Variants in TOMM7 observed in about 807,000 individuals in gnomAD.
TOMM7 encodes the protein mitochondrial import receptor subunit TOM7 homolog.
In TOMM7, 8 loss-of-function variants were observed where a neutral mutation model predicts 9.5. The observed-to-expected ratio is 0.84, with a 90% CI of 0.49 to 1.51. TOMM7 has a LOEUF of 1.51. TOMM7 is among the 40% of genes most tolerant of loss of function. The probability of loss-of-function intolerance (pLI) is 0.00; values close to 1 mark genes in which losing one functional copy is unlikely to be tolerated. For synonymous variants in TOMM7, 27 were observed against 21.4 expected (o/e 1.26, Z -0.72); for missense variants, 74 against 63.7 (o/e 1.16, Z -0.55).
At chr7:22,813,986 G>A (rs1281997445) in intron 2 of TOMM7, among the ~76,000 whole-genome samples, 1 of 149,398 alleles carries the variant, frequency 6.7e-6, no homozygotes, top group Non-Finnish European at 1.5e-5. Flanking sequence ...ATTTTCAAAT[G>A]TGTATTAAAA....
chr7:22,817,787 G>T, intron 2 of TOMM7: 1 of 478,722 alleles, frequency 2.1e-6, no homozygotes, highest in Non-Finnish European at 3.8e-6. Flanking sequence ...TTCTTTTTCT[G>T]TTAAAATATG....
At chr7:22,820,992 T>C (rs1451875373) in intron 1 of TOMM7, among the ~76,000 whole-genome samples, 5 of 152,206 alleles carry the variant, frequency 3.3e-5, no homozygotes, top group African/African-American at 9.6e-5. Flanking sequence ...GTTAAAACCA[T>C]AGCATTTTAA....
intron 1 of TOMM7, among the ~76,000 whole-genome samples, chr7:22,821,899 CTG>C (rs1328888188): frequency 6.6e-6 from 1 of 152,128 alleles, no homozygotes; most frequent in Non-Finnish European, 1.5e-5. Context: ...ACTTGGGAGA[CTG>C]AGGTGGAAGG....
intron 2 of TOMM7, among the ~76,000 whole-genome samples, chr7:22,813,694 A>G (rs1052946993): frequency 1.3e-5 from 2 of 151,408 alleles, no homozygotes; most frequent in African/African-American, 4.9e-5. Flanking sequence ...GTGCCCTTAC[A>G]ACCATTAAGT....
At chr7:22,814,615 C>T (rs1348887901) in intron 2 of TOMM7, among the ~76,000 whole-genome samples, 3 of 152,166 alleles carry the variant, frequency 2.0e-5, no homozygotes, top group Non-Finnish European at 4.4e-5. Flanking sequence ...AAATGATTCT[C>T]TTAACCTTGA....
chr7:22,821,126 A>C (rs1225392743), intron 1 of TOMM7, among the ~76,000 whole-genome samples: 1 of 152,090 alleles, frequency 6.6e-6, no homozygotes, highest in Non-Finnish European at 1.5e-5. Flanking sequence ...AAAAGAAAAA[A>C]CTTGGCCAGG....
At chr7:22,819,145 C>T (rs1457893815) in intron 1 of TOMM7, among the ~76,000 whole-genome samples, 2 of 151,948 alleles carry the variant, frequency 1.3e-5, no homozygotes, top group Non-Finnish European at 2.9e-5. Flanking sequence ...ATAAATTAAC[C>T]TGATGACATA....
At chr7:22,814,307 AC>A (rs1360452650) in intron 2 of TOMM7, among the ~76,000 whole-genome samples, 3 of 147,932 alleles carry the variant, frequency 2.0e-5, no homozygotes, top group Non-Finnish European at 4.5e-5. Flanking sequence ...CCGAGATTGT[AC>A]CATTGCACTC....
chr7:22,818,154 A>G (rs1313092281), intron 1 of TOMM7, 106 bp from the exon 2 acceptor site: 3 of 1,072,458 alleles, frequency 2.8e-6, no homozygotes, highest in Non-Finnish European at 4.2e-6. Flanking sequence ...TAGGATAGTT[A>G]GAATGATATC....
chr7:22,819,614 A>G (rs1005069457), intron 1 of TOMM7, among the ~76,000 whole-genome samples: 4 of 152,022 alleles, frequency 2.6e-5, no homozygotes, highest in Non-Finnish European at 5.9e-5. Flanking sequence ...CTGGTAATCC[A>G]CCCGCCCCAG....
At chr7:22,818,260 A>C in intron 1 of TOMM7, 3 of 488,558 alleles carry the variant, frequency 6.1e-6, no homozygotes, top group Non-Finnish European at 1.1e-5. Flanking sequence ...CAGTAGGAAG[A>C]ACAAGCTATC....
intron 1 of TOMM7, among the ~76,000 whole-genome samples, chr7:22,821,243 C>A (rs990826600): frequency 4.0e-5 from 6 of 151,792 alleles, no homozygotes; most frequent in Non-Finnish European, 7.4e-5. Flanking sequence ...AACCCCGTTT[C>A]TAGTAAAAAT....
intron 2 of TOMM7, among the ~76,000 whole-genome samples, chr7:22,814,075 C>T (rs1782285324): frequency 6.6e-6 from 1 of 150,584 alleles, no homozygotes; most frequent in Non-Finnish European, 1.5e-5. Flanking sequence ...ATAGTTCATG[C>T]CTGTAATCCC....
At chr7:22,817,738 T>C in intron 2 of TOMM7, 1 of 373,034 alleles carries the variant, frequency 2.7e-6, no homozygotes, top group South Asian at 4.1e-5. Context: ...ATATGAGAAA[T>C]TTAAAACAGT....
chr7:22,817,500 C>T (rs1181567036), intron 2 of TOMM7: 4 of 238,178 alleles, frequency 1.7e-5, no homozygotes, highest in African/African-American at 6.9e-5. Flanking sequence ...ATGATCTTCC[C>T]ACCTTGGCTT....
chr7:22,822,700 A>C lies in TOMM7; in HGVS notation c.80T>G (p.Phe27Cys). The C allele has an allele frequency of 1.9e-6, 3 of 1,614,102 alleles. No homozygotes were observed. The South Asian group carries it at 3.3e-5, about 18-fold the overall frequency. ...KGSQFAIRWGFIPLVIYLGFK... is the reference protein window; with the variant it reads ...KGSQFAIRWGCIPLVIYLGFK... The stretch of plus-strand genomic sequence containing the variant: ...ACCCAGGTAAATCACAAGAGGGATA[A>C]AGCCCCAGCGAATGGCAAACTGGCT... The change falls in exon 1 of 3, where the codon TTT (phenylalanine) becomes TGT (cysteine). Residue 27 changes from phenylalanine to cysteine, a missense_variant. Coordinates refer to ENST00000358435, the MANE Select transcript of TOMM7 (RefSeq NM_019059.5).
rs144695306 is a variant in TOMM7 at position 22,821,134 on chromosome 7, A to G, written c.103+1543T>C. Among the ~76,000 whole-genome samples, 401 of 152,348 alleles carry G rather than the reference A, an allele frequency of 2.6e-3. 15 individuals carry two copies. In the East Asian group the frequency reaches 0.069, roughly 26 times the overall value. On this transcript the variant is annotated intron_variant, in intron 1 of 2. Transcript: ENST00000358435. ...AAAATTAAAAAGAAAAAACTTGGCC[A>G]GGCACGGTGGCTCACGCCTGTAATC...
intron 1 of TOMM7, among the ~76,000 whole-genome samples, chr7:22,820,003 G>C (rs1319848812): frequency 6.6e-6 from 1 of 152,178 alleles, no homozygotes; most frequent in African/African-American, 2.4e-5. Context: ...TAAATCCGCA[G>C]TTGCTGGTTT....
At chr7:22,819,910 C>T (rs1782365217) in intron 1 of TOMM7, among the ~76,000 whole-genome samples, 1 of 152,148 alleles carries the variant, frequency 6.6e-6, no homozygotes, top group Non-Finnish European at 1.5e-5. Context: ...TCTCTATTAT[C>T]GTGCCACTGC....
Sources: gnomAD v4.1 joint callset for allele counts (sites outside exome capture counted in the v4.1 genomes callset) on GRCh38, gnomAD v4.1.1 for gene constraint, MANE v1.5 for transcripts, NCBI Gene and HGNC (gene_info 2026-07-23, HGNC 2026-07-21) for gene names.